MGAT5B: variants seen among roughly 807,000 people sequenced by gnomAD.
MGAT5B encodes alpha-1,6-mannosylglycoprotein 6-beta-N-acetylglucosaminyltransferase B.
In MGAT5B, 54 loss-of-function variants were observed where a neutral mutation model predicts 95.1. That is an observed-to-expected ratio of 0.57 (90% CI 0.46 to 0.71). The LOEUF is 0.71. Ranked by LOEUF, MGAT5B falls within the 30% of genes least tolerant of loss-of-function variation. The pLI, the probability that MGAT5B is intolerant of heterozygous loss-of-function variation, is 0.00. For missense variants in MGAT5B, 935 were observed against 1,088.6 expected, an observed-to-expected ratio of 0.86 and a Z score of 1.99; for synonymous variants, 464 against 451.0, an observed-to-expected ratio of 1.03 and a Z score of -0.36.
chr17:76,947,001 G>T (rs1970051647), intron 16 of MGAT5B, among the ~76,000 whole-genome samples: 1 of 152,216 alleles, frequency 6.6e-6, no homozygotes, highest in Admixed American at 6.5e-5. Flanking sequence ...GGAAGTCGTG[G>T]GTGAGGAGGA....
At chr17:76,932,622 C>T in intron 10 of MGAT5B, 23 bp from the exon 11 acceptor site, 1 of 1,609,216 alleles carries the variant, frequency 6.2e-7, no homozygotes, top group Non-Finnish European at 8.5e-7. Flanking sequence ...TGACCCCATT[C>T]CTTCTGCGTG....
intron 8 of MGAT5B, among the ~76,000 whole-genome samples, chr17:76,909,537 CA>C (rs1968656884): frequency 6.6e-6 from 1 of 152,328 alleles, no homozygotes; most frequent in South Asian, 2.1e-4. Flanking sequence ...TGCTCTGTAG[CA>C]CAGGAGTGTT....
Position 76,948,978 on chromosome 17 carries a change from T to A in MGAT5B, c.*140T>A. 2 of 1,024,714 alleles carry A rather than the reference T, an allele frequency of 2.0e-6. No individual in the cohort carries two copies. Among genetic ancestry groups the A allele is most frequent in the East Asian group, 5.2e-5 (2 of 38,212 alleles). The allele number at this position is 1,024,714 out of a possible 1,614,324, so 63.5% of individuals were successfully genotyped here. A position where few individuals can be genotyped will look rare whatever the true frequency, so the allele number is the denominator to read the frequency against. On this transcript the variant is annotated 3_prime_UTR_variant, in exon 18 of 18. Coordinates refer to ENST00000569840, the MANE Select transcript of MGAT5B (RefSeq NM_001199172.2). Reference sequence around the variant, plus strand: ...GAGCTTCCTTCCTTAGCCGGGAAGCTGGCAGAGGAGAGCCGTGCCCGGGAA... The same window carrying A: ...GAGCTTCCTTCCTTAGCCGGGAAGCAGGCAGAGGAGAGCCGTGCCCGGGAA...
rs929305539 is a variant in MGAT5B, at chr17:76,889,800, C to T, written c.329+7502C>T. Among the ~76,000 whole-genome samples the T allele has an allele frequency of 9.9e-5, 15 of 152,118 alleles. No individual in the cohort carries two copies. Among genetic ancestry groups the T allele is most frequent in the South Asian group, 2.1e-4 (1 of 4,826 alleles). ...GTCACAGCCCCACGGTGCCGAGAGC[C>T]GGACCAACCACATGACAGCCACGTT... On this transcript the variant is annotated intron_variant, in intron 3 of 17. Coordinates refer to ENST00000569840, the MANE Select transcript of MGAT5B (RefSeq NM_001199172.2). This position sits in a 1 kb window ranked among gnomAD's most constrained non-coding sequence, Gnocchi z 4.4.
At chr17:76,936,223 A>G (rs1032924835) in intron 12 of MGAT5B, among the ~76,000 whole-genome samples, 8 of 152,082 alleles carry the variant, frequency 5.3e-5, no homozygotes, top group Non-Finnish European at 1.0e-4. Context: ...CTTGACTAAC[A>G]AGGTGAAATC....
At position 76,938,155 on chromosome 17, in the gene MGAT5B, TCC is replaced by T. The variant is rs1325790307; in HGVS notation, c.1584+16_1584+17del. 6.8e-6 allele frequency: 11 copies of T among 1,612,544 alleles called. No homozygotes were observed. Among genetic ancestry groups the T allele is most frequent in the Admixed American group, 1.7e-5 (1 of 59,980 alleles). On this transcript the variant is annotated intron_variant, in intron 13 of 17. Transcript: ENST00000569840. This position sits in a 1 kb window ranked among gnomAD's most constrained non-coding sequence, Gnocchi z 4.3. ...TGCGCAAGGCCAAAGTGAGCTCCCA[TCC>T]CCCGCACCATTCTCACACTTGCCGG...
Position 76,903,375 on chromosome 17 carries a change from A to G in MGAT5B, c.518A>G (p.Glu173Gly). Residue 173 changes from glutamate to glycine, a missense_variant and splice_region_variant, in exon 5 of 18, where the codon GAG (glutamate) becomes GGG (glycine). By Grantham distance (98) the Glu-to-Gly change is moderately conservative. This residue lies in a region of MGAT5B where 243 missense variants were observed against 305.5 expected (regional missense o/e 0.80). Coordinates refer to ENST00000569840, the MANE Select transcript of MGAT5B (RefSeq NM_001199172.2). ...PKFPDCSGKV[E>G]WMRARWTSDP... ...TTCCCTGACTGCTCAGGGAAGGTGG[A>G]GGTGAGGCCTGGGGCTGAGGGGTGG... 6.2e-7 allele frequency: 1 copy of G among 1,609,294 alleles called. No individual in the cohort carries two copies. Among genetic ancestry groups the G allele is most frequent in the African/African-American group, 1.3e-5 (1 of 74,770 alleles).
chr17:76,907,919 G>A (rs1037996108), intron 8 of MGAT5B, among the ~76,000 whole-genome samples: 5 of 152,206 alleles, frequency 3.3e-5, no homozygotes, highest in Admixed American at 6.5e-5. Context: ...GCTGCAACTT[G>A]CATTTCCTGA....
intron 13 of MGAT5B, among the ~76,000 whole-genome samples, chr17:76,939,028 GGGTGT>G (rs1189578064): frequency 9.9e-6 from 1 of 101,232 alleles, no homozygotes; most frequent in Admixed American, 1.2e-4. Flanking sequence ...GGCATCTTGG[GGGTGT>G]GTGTGTGTGT....
chr17:76,924,950 A>AG lies in MGAT5B; in HGVS notation c.1026-13dup. On this transcript the variant is annotated splice_polypyrimidine_tract_variant and intron_variant, in intron 8 of 17. Transcript: ENST00000569840. The stretch of plus-strand genomic sequence containing the variant: ...GGGTTTCTTGGGGCCCAGAATCTGA[A>AG]GGGCTCTTCTCTCAGTAACTTAGGG... 1 of 1,611,720 alleles carries AG rather than the reference A, an allele frequency of 6.2e-7. No homozygotes were observed. The highest frequency in any genetic ancestry group is 8.5e-7 in the Non-Finnish European group (1 of 1,179,294).
intron 2 of MGAT5B, among the ~76,000 whole-genome samples, chr17:76,875,773 G>A (rs117275041): frequency 0.026 from 3,875 of 148,710 alleles, 73 homozygotes; most frequent in East Asian, 0.074. Flanking sequence ...GGGCTTTTGC[G>A]AACAGTGCTG....
rs1378959291 is a variant in MGAT5B at position 76,916,853 on chromosome 17, G to A, written c.1026-8113G>A. Among the ~76,000 whole-genome samples the A allele has an allele frequency of 2.6e-5, 4 of 152,116 alleles. No homozygotes were observed. The highest frequency in any genetic ancestry group is 5.9e-5 in the Non-Finnish European group (4 of 68,012). ...GGAGAGGAGGAAGGTGGCAGTGGAC[G>A]AGCTTCAGGAACCATCTGTCAGGGA... On this transcript the variant is annotated intron_variant, in intron 8 of 17. Coordinates refer to ENST00000569840, the MANE Select transcript of MGAT5B (RefSeq NM_001199172.2). This position sits in a 1 kb window ranked among gnomAD's most constrained non-coding sequence, Gnocchi z 5.3.
rs62080221 is a variant in MGAT5B at position 76,905,248 on chromosome 17, G to A, written c.770G>A (p.Arg257Gln). The A allele has an allele frequency of 4.3e-6, 7 of 1,613,226 alleles. No individual in the cohort carries two copies. Among genetic ancestry groups the A allele is most frequent in the East Asian group, 2.2e-5 (1 of 44,868 alleles). Residue 257 changes from arginine (R) to glutamine (Q), a missense_variant, in exon 7 of 18, where the codon CGG (arginine) becomes CAG (glutamine). Coordinates refer to ENST00000569840, the MANE Select transcript of MGAT5B (RefSeq NM_001199172.2). This position sits in a 1 kb window ranked among gnomAD's most constrained non-coding sequence, Gnocchi z 4.2. ...GAGTCCCTGATCTTCATGAAGAAGCGGACCAAGAGGCTCACAGCCCAGTGG... is the reference window on the plus strand; with the variant it reads ...GAGTCCCTGATCTTCATGAAGAAGCAGACCAAGAGGCTCACAGCCCAGTGG... The part of the protein sequence containing the change: ...GKESLIFMKK[R>Q]TKRLTAQWAL...
In MGAT5B at chr17:76,948,778, G is replaced by T; in HGVS notation, c.2319G>T (p.Arg773=). 6.2e-7 allele frequency: 1 copy of T among 1,608,578 alleles called. No individual in the cohort carries two copies. Among genetic ancestry groups the T allele is most frequent in the Non-Finnish European group, 8.5e-7 (1 of 1,178,332 alleles). ...CCGGCTCCAACACCAAGTACCGCCG[G>T]CTCTGCCCCTGCCGCGACTTCCGCA... ...SCAGSNTKYR[R]LCPCRDFRKG... is the part of the protein sequence containing the mutation. Residue 773 remains arginine, a synonymous_variant, in exon 18 of 18, where the codon CGG becomes CGT. Coordinates refer to ENST00000569840, the MANE Select transcript of MGAT5B (RefSeq NM_001199172.2).
intron 12 of MGAT5B, among the ~76,000 whole-genome samples, chr17:76,937,004 GTT>G (rs11306769): frequency 0.05 from 7,098 of 142,464 alleles, 354 homozygotes; most frequent in African/African-American, 0.13. Context: ...GGATTTCAAT[GTT>G]TTTTTTTTTT....
At chr17:76,897,696 TC>T (rs1968124269) in intron 3 of MGAT5B, among the ~76,000 whole-genome samples, 1 of 112,804 alleles carries the variant, frequency 8.9e-6, no homozygotes, top group African/African-American at 4.6e-5. Context: ...TTTCTTTCTT[TC>T]TTTCTTTCTT....
intron 2 of MGAT5B, among the ~76,000 whole-genome samples, chr17:76,873,576 A>G (rs1013863240): frequency 6.6e-6 from 1 of 152,172 alleles, no homozygotes; most frequent in Non-Finnish European, 1.5e-5. Flanking sequence ...GACCTTCTGC[A>G]GAGGTTGGAT....
chr17:76,894,499 A>G lies in MGAT5B; in HGVS notation c.330-8056A>G, dbSNP rs368773663. ...TGGCATGGTTTTCTCGTGTCCTCCT[A>G]AAAGTCTAGGAAAAGTCCTGCCTCC... On this transcript the variant is annotated intron_variant, in intron 3 of 17. Coordinates refer to ENST00000569840, the MANE Select transcript of MGAT5B (RefSeq NM_001199172.2). Among the ~76,000 whole-genome samples, 17 of 152,272 alleles carry G rather than the reference A, an allele frequency of 1.1e-4. No homozygotes were observed. In the East Asian group the frequency reaches 1.3e-3, roughly 12 times the overall value.
Position 76,906,273 on chromosome 17 carries a change from G to A in MGAT5B, c.1025+86G>A, listed in dbSNP as rs1445723279. 7.3e-6 allele frequency: 10 copies of A among 1,369,210 alleles called. No homozygotes were observed. The African/African-American group carries it at 1.2e-4, about 17-fold the overall frequency. The allele number at this position is 1,369,210 out of a possible 1,614,324, so 84.8% of individuals were successfully genotyped here. On this transcript the variant is annotated intron_variant, in intron 8 of 17. Transcript: ENST00000569840. This position sits in a 1 kb window ranked among gnomAD's most constrained non-coding sequence, Gnocchi z 4.6. ...CACCCCTCCCTCCCAGGGGCTGTGG[G>A]AGCACCTGCTCTGCCTGCAGGTCCC...
Sources: allele counts gnomAD v4.1 joint callset (sites outside exome capture counted in the v4.1 genomes callset), GRCh38; gene constraint gnomAD v4.1.1; regional missense constraint gnomAD v4.1.1; non-coding constraint Gnocchi (gnomAD v3.1); transcripts MANE v1.5; gene names NCBI Gene and HGNC (gene_info 2026-07-23, HGNC 2026-07-21).